WDR7: variants seen among roughly 807,000 people sequenced by gnomAD.
WDR7 encodes WD repeat-containing protein 7.
In WDR7, 46 loss-of-function variants were observed where a neutral mutation model predicts 169.4. That is an observed-to-expected ratio of 0.27 (90% CI 0.21 to 0.35). The LOEUF is 0.35. Among genes scored for constraint, WDR7 ranks in the 10% least tolerant of loss-of-function variants. The pLI is 1.00. For synonymous variants in WDR7, 612 were observed against 666.8 expected (o/e 0.92, Z 1.27); for missense variants, 1,534 against 1,859.3 (o/e 0.83, Z 3.22).
chr18:57,001,858 ATC>A (rs1392912878), intron 26 of WDR7, among the ~76,000 whole-genome samples: 1 of 152,158 alleles, frequency 6.6e-6, no homozygotes, highest in African/African-American at 2.4e-5. Context: ...CTGTATTTCA[ATC>A]TGTTTCCTTA....
chr18:56,794,081 G>A (rs904200148), intron 19 of WDR7, among the ~76,000 whole-genome samples: 42 of 152,066 alleles, frequency 2.8e-4, no homozygotes, highest in African/African-American at 9.4e-4. Context: ...TTTCTATTCT[G>A]TTTTAAAAAC....
intron 12 of WDR7, among the ~76,000 whole-genome samples, chr18:56,701,569 A>T (rs1363666949): frequency 6.6e-6 from 1 of 152,150 alleles, no homozygotes; most frequent in Non-Finnish European, 1.5e-5. Flanking sequence ...TTTTAATAGG[A>T]TTCAAATTTA....
chr18:56,720,753 G>A (rs2144753906), intron 13 of WDR7, among the ~76,000 whole-genome samples: 1 of 152,276 alleles, frequency 6.6e-6, no homozygotes, highest in Non-Finnish European at 1.5e-5. Flanking sequence ...GGTACTGGAA[G>A]AGGTTATTGT....
At chr18:56,790,861 A>T (rs994416252) in intron 19 of WDR7, among the ~76,000 whole-genome samples, 24 of 150,878 alleles carry the variant, frequency 1.6e-4, no homozygotes, top group Middle Eastern at 3.4e-3. Context: ...ATAAAGAAAA[A>T]TTTTTTTTTT....
intron 25 of WDR7, among the ~76,000 whole-genome samples, chr18:56,961,387 G>T (rs2047337973): frequency 6.6e-6 from 1 of 151,808 alleles, no homozygotes; most frequent in Admixed American, 6.6e-5. Flanking sequence ...CAGTTAGTTT[G>T]GTATTATGGA....
At chr18:56,767,288 T>A (rs1372564709) in intron 16 of WDR7, among the ~76,000 whole-genome samples, 1 of 152,194 alleles carries the variant, frequency 6.6e-6, no homozygotes, top group Non-Finnish European at 1.5e-5. Context: ...GCTGTATACT[T>A]GAGGGAGATC....
intron 26 of WDR7, among the ~76,000 whole-genome samples, chr18:56,979,923 T>A (rs2047617685): frequency 6.6e-6 from 1 of 152,238 alleles, no homozygotes; most frequent in Non-Finnish European, 1.5e-5. Context: ...ACTATATCCT[T>A]CATGATATAC....
At chr18:57,022,635 A>G (rs531187130) in intron 27 of WDR7, among the ~76,000 whole-genome samples, 3 of 152,224 alleles carry the variant, frequency 2.0e-5, no homozygotes, top group Non-Finnish European at 4.4e-5. Context: ...ATGTTAAATT[A>G]TCTTTTTCCC....
chr18:56,924,720 TG>T (rs2046779022), intron 22 of WDR7, among the ~76,000 whole-genome samples: 1 of 152,216 alleles, frequency 6.6e-6, no homozygotes. Context: ...AGATTACTGT[TG>T]GTTTGAAAAC....
chr18:56,850,445 C>T (rs975405514), intron 20 of WDR7, among the ~76,000 whole-genome samples: 7 of 152,026 alleles, frequency 4.6e-5, no homozygotes, highest in South Asian at 4.1e-4. Flanking sequence ...GCCATGTATA[C>T]GTAGATTATT....
intron 1 of WDR7, 131 bp from the exon 2 acceptor site, chr18:56,672,366 A>T: frequency 1.5e-6 from 1 of 672,994 alleles, no homozygotes; most frequent in African/African-American, 1.9e-5. Flanking sequence ...AAAATAATAA[A>T]TATTTAAGTA....
intron 16 of WDR7, among the ~76,000 whole-genome samples, chr18:56,759,801 G>A (rs539743939): frequency 6.6e-6 from 1 of 152,110 alleles, no homozygotes; most frequent in African/African-American, 2.4e-5. Context: ...AGTTTTACAA[G>A]GTTTGTTAAA....
chr18:56,723,911 A>G (rs2026378920), intron 13 of WDR7, among the ~76,000 whole-genome samples: 1 of 151,110 alleles, frequency 6.6e-6, no homozygotes. Flanking sequence ...TATAATTTCT[A>G]TTGCTATGCC....
At chr18:56,793,268 ATTTG>A (rs529891964) in intron 19 of WDR7, among the ~76,000 whole-genome samples, 85 of 152,284 alleles carry the variant, frequency 5.6e-4, no homozygotes, top group Admixed American at 1.4e-3. Flanking sequence ...TTTAGAACTT[ATTTG>A]TTCTTATATA....
At chr18:56,763,465 C>A (rs980088004) in intron 16 of WDR7, among the ~76,000 whole-genome samples, 20 of 152,096 alleles carry the variant, frequency 1.3e-4, no homozygotes, top group Admixed American at 7.9e-4. Flanking sequence ...TTTGAATTAC[C>A]AATTTTATAG....
At chr18:56,688,720 C>CTCT (rs1880367665) in intron 7 of WDR7, among the ~76,000 whole-genome samples, 1 of 151,540 alleles carries the variant, frequency 6.6e-6, no homozygotes, top group South Asian at 2.1e-4. Context: ...CAGAGCAAGA[C>CTCT]TCTGTCTTGG....
chr18:56,672,287 G>A (rs1450833915), intron 1 of WDR7, among the ~76,000 whole-genome samples: 1 of 151,998 alleles, frequency 6.6e-6, no homozygotes, highest in African/African-American at 2.4e-5. Flanking sequence ...TTTCACAGGT[G>A]TTGATTGTGT....
chr18:56,750,655 C>T (rs976617197), intron 14 of WDR7, among the ~76,000 whole-genome samples: 5 of 152,104 alleles, frequency 3.3e-5, no homozygotes, highest in Non-Finnish European at 5.9e-5. Flanking sequence ...TCCGATAGTC[C>T]GTATTTGACA....
Position 56,756,788 on chromosome 18 carries a change from C to CT in WDR7, c.2201dup (p.Leu734PhefsTer27), listed in dbSNP as rs2043898332. 6.2e-7 allele frequency: 1 copy of CT among 1,613,970 alleles called. No homozygotes were observed. The highest frequency in any genetic ancestry group is 1.3e-5 in the African/African-American group (1 of 74,988). ...TCTGGCAGTTCAGACAAAGGGGGCTCTTTTTTAACTGGAAAACGAGCAGCA... is the reference window on the plus strand; with the variant it reads ...TCTGGCAGTTCAGACAAAGGGGGCTCTTTTTTTAACTGGAAAACGAGCAGCA... On this transcript the variant is annotated frameshift_variant, in exon 15 of 28. Transcript: ENST00000254442. LOFTEE classifies it high-confidence loss of function.
Sources: allele counts gnomAD v4.1 joint callset (sites outside exome capture counted in the v4.1 genomes callset), GRCh38; gene constraint gnomAD v4.1.1; transcripts MANE v1.5; gene names NCBI Gene and HGNC (gene_info 2026-07-23, HGNC 2026-07-21).